REXO2: variants seen among roughly 807,000 people sequenced by gnomAD.
REXO2 encodes the protein oligoribonuclease, mitochondrial.
REXO2 carries 17 observed loss-of-function variants against 30.9 expected under a neutral mutation model. That is an observed-to-expected ratio of 0.55 (90% CI 0.38 to 0.82). REXO2 has a LOEUF of 0.82. REXO2 is among the 40% of genes least tolerant of loss of function. The pLI is 0.00. For synonymous variants in REXO2, 105 were observed against 99.6 expected, an observed-to-expected ratio of 1.05 and a Z score of -0.32; for missense variants, 253 against 293.2, an observed-to-expected ratio of 0.86 and a Z score of 1.00.
chr11:114,441,184 T>C (rs1946475580), intron 2 of REXO2, among the ~76,000 whole-genome samples: 1 of 152,150 alleles, frequency 6.6e-6, no homozygotes, highest in South Asian at 2.1e-4. Flanking sequence ...AGAGTTTAAC[T>C]CAGGCTGTCT....
chr11:114,444,314 G>A (rs1946498945), intron 3 of REXO2: 1 of 627,568 alleles, frequency 1.6e-6, no homozygotes, highest in Non-Finnish European at 2.9e-6. Flanking sequence ...CGTCTTTTTT[G>A]ACTGTGGACA....
intron 6 of REXO2, chr11:114,449,060 A>AG (rs1224754349): frequency 6.6e-6 from 1 of 152,266 alleles, no homozygotes; most frequent in African/African-American, 2.4e-5. Flanking sequence ...CCCATGATTC[A>AG]GAGTTTATTG....
At chr11:114,446,173 T>C in intron 5 of REXO2, 86 bp downstream of exon 5, 1 of 756,136 alleles carries the variant, frequency 1.3e-6, no homozygotes. Context: ...GATAGAGCTG[T>C]AGAACTAAGG....
At chr11:114,447,128 C>T (rs1215860471) in intron 5 of REXO2, among the ~76,000 whole-genome samples, 2 of 151,846 alleles carry the variant, frequency 1.3e-5, no homozygotes, top group Non-Finnish European at 2.9e-5. Context: ...TTAGTAGAGA[C>T]GGGGTTTCAC....
chr11:114,447,966 T>C (rs1946519653), intron 6 of REXO2, 87 bp downstream of exon 6: 3 of 988,072 alleles, frequency 3.0e-6, no homozygotes, highest in Admixed American at 4.5e-5. Context: ...GTCCCTTAAC[T>C]CTTTTTTCTC....
Position 114,444,656 on chromosome 11 carries a change from A to G in REXO2, c.421+4A>G. ...CCAGGGCTCTGTCCACTTGCAGGTA[A>G]AATCCAATCCTGTGTATATCTTATA... is the stretch of plus-strand genomic sequence containing the variant. On this transcript the variant is annotated splice_donor_region_variant and intron_variant, in intron 4 of 6. Transcript: ENST00000265881. 6.4e-7 allele frequency: 1 copy of G among 1,559,850 alleles called. No individual in the cohort carries two copies. Among genetic ancestry groups the G allele is most frequent in the Non-Finnish European group, 8.7e-7 (1 of 1,151,668 alleles).
Position 114,447,925 on chromosome 11 carries a change from A to T in REXO2, c.584+46A>T, listed in dbSNP as rs371685419. The T allele has an allele frequency of 3.6e-4, 536 of 1,470,222 alleles. 1 individual carries two copies. The highest frequency in any genetic ancestry group is 4.9e-4 in the Non-Finnish European group (517 of 1,060,216). The allele number at this position is 1,470,222 out of a possible 1,614,324, so 91.1% of individuals were successfully genotyped here. A position where few individuals can be genotyped will look rare whatever the true frequency, so the allele number is the denominator to read the frequency against. The stretch of plus-strand genomic sequence containing the variant: ...GCGTTTTCCAGTCTGACACACACTT[A>T]ACTCCCAAATTCCTGACTGCTTGAA... On this transcript the variant is annotated intron_variant, in intron 6 of 6. Coordinates refer to ENST00000265881, the MANE Select transcript of REXO2 (RefSeq NM_015523.4).
intron 3 of REXO2, chr11:114,444,265 G>A (rs1946498670): frequency 6.5e-6 from 4 of 616,936 alleles, no homozygotes; most frequent in South Asian, 4.6e-5. Context: ...GTTAATAGTT[G>A]TTTCTTCCCA....
intron 4 of REXO2, chr11:114,445,042 A>G (rs1358326089): frequency 6.6e-6 from 1 of 150,612 alleles, no homozygotes; most frequent in Non-Finnish European, 1.5e-5. Context: ...TACTTCATCA[A>G]ACATCTCCTA....
At chr11:114,440,412 T>A (rs1430530448) in intron 1 of REXO2, among the ~76,000 whole-genome samples, 1 of 152,190 alleles carries the variant, frequency 6.6e-6, no homozygotes, top group Non-Finnish European at 1.5e-5. Context: ...TTACTTACTT[T>A]GCATCTGTCC....
chr11:114,448,002 A>G (rs1248014479), intron 6 of REXO2, 123 bp downstream of exon 6: 1 of 728,288 alleles, frequency 1.4e-6, no homozygotes, highest in African/African-American at 1.8e-5. Context: ...TTCAACTAGC[A>G]TAAACATAAC....
intron 6 of REXO2, among the ~76,000 whole-genome samples, chr11:114,448,166 T>A (rs1247349472): frequency 6.6e-6 from 1 of 152,222 alleles, no homozygotes; most frequent in Non-Finnish European, 1.5e-5. Context: ...CCGTGTTAAC[T>A]TTCTTCCCAC....
chr11:114,442,244 G>A (rs1015611736), intron 2 of REXO2, among the ~76,000 whole-genome samples: 3 of 151,842 alleles, frequency 2.0e-5, no homozygotes, highest in Admixed American at 6.6e-5. Context: ...GTTTTATGCT[G>A]GTAGAAGAGC....
rs1218820306 is a variant in REXO2, at chr11:114,439,523, C to T, written c.-6C>T. On this transcript the variant is annotated 5_prime_UTR_variant, in exon 1 of 7. Transcript: ENST00000265881. ...AGACTGGGGCCGTGGCTGCTGGTCC[C>T]GGGTGATGCTAGGCGGCTCCCTGGG... The T allele has an allele frequency of 2.5e-6, 4 of 1,604,962 alleles. No individual in the cohort carries two copies. Among genetic ancestry groups the T allele is most frequent in the Non-Finnish European group, 3.4e-6 (4 of 1,179,196 alleles).
At chr11:114,449,823 C>T (rs200565642) in intron 6 of REXO2, 23 bp from the exon 7 acceptor site, 281 of 1,594,626 alleles carry the variant, frequency 1.8e-4, no homozygotes, top group Middle Eastern at 5.0e-4. Context: ...ACAGTTCATT[C>T]ATTGTGGTAT....
chr11:114,439,785 C>T, intron 1 of REXO2, 110 bp downstream of exon 1: 1 of 1,331,904 alleles, frequency 7.5e-7, no homozygotes, highest in South Asian at 1.5e-5. Flanking sequence ...TCAGGTGTGG[C>T]AGGTGAGCGC....
At position 114,439,522 on chromosome 11, in the gene REXO2, C is replaced by T. The variant is rs1946459953; in HGVS notation, c.-7C>T. ...GAGACTGGGGCCGTGGCTGCTGGTC[C>T]CGGGTGATGCTAGGCGGCTCCCTGG... On this transcript the variant is annotated 5_prime_UTR_variant, in exon 1 of 7. Coordinates refer to ENST00000265881, the MANE Select transcript of REXO2 (RefSeq NM_015523.4). 4 of 1,604,908 alleles carry T rather than the reference C, an allele frequency of 2.5e-6. No homozygotes were observed. The highest frequency in any genetic ancestry group is 2.5e-6 in the Non-Finnish European group (3 of 1,179,186).
At chr11:114,441,595 A>G in intron 2 of REXO2, 1 of 611,814 alleles carries the variant, frequency 1.6e-6, no homozygotes, top group Non-Finnish European at 2.9e-6. Flanking sequence ...ATTCAGAGCC[A>G]GAAACTCCAG....
intron 1 of REXO2, among the ~76,000 whole-genome samples, 197 bp from the exon 2 acceptor site, chr11:114,440,459 C>G (rs1195176475): frequency 2.6e-5 from 4 of 152,126 alleles, no homozygotes; most frequent in Non-Finnish European, 1.5e-5. Context: ...ATAGCAGGCC[C>G]TTGGTAAATG....
Sources: gnomAD v4.1 joint callset for allele counts (sites outside exome capture counted in the v4.1 genomes callset) on GRCh38, gnomAD v4.1.1 for gene constraint, MANE v1.5 for transcripts, NCBI Gene and HGNC (gene_info 2026-07-23, HGNC 2026-07-21) for gene names.